SLC37A2: variants seen among roughly 807,000 people sequenced by gnomAD.
The protein encoded by SLC37A2 is glucose-6-phosphate exchanger SLC37A2.
Under a neutral mutation model 70.7 loss-of-function variants are expected in SLC37A2, and 59 were observed. The ratio of observed to expected loss-of-function variants is 0.83; its 90% CI spans 0.68 to 1.04. The LOEUF (loss-of-function observed/expected upper bound fraction) is 1.04, where lower values mean the gene tolerates loss of function less well. SLC37A2 is among the 50% of genes least tolerant of loss of function. SLC37A2 has a pLI of 0.00. For synonymous variants in SLC37A2, 257 were observed against 262.1 expected, an observed-to-expected ratio of 0.98 and a Z score of 0.19; for missense variants, 580 against 658.1, an observed-to-expected ratio of 0.88 and a Z score of 1.30.
chr11:125,085,554 TCA>T, intron 15 of SLC37A2, 21 bp from the exon 16 acceptor site: 1 of 1,613,088 alleles, frequency 6.2e-7, no homozygotes, highest in Non-Finnish European at 8.5e-7. Context: ...GGACCCCTGC[TCA>T]CGAGGCTGTG....
rs779651234 is a variant in SLC37A2 at position 125,084,339 on chromosome 11, T to C, written c.1125+20T>C. 7 of 1,613,092 alleles carry C rather than the reference T, an allele frequency of 4.3e-6. No individual in the cohort carries two copies. In the Admixed American group the frequency reaches 5.0e-5, roughly 12 times the overall value. On this transcript the variant is annotated intron_variant, in intron 12 of 17. Coordinates refer to ENST00000403796, the MANE Select transcript of SLC37A2 (RefSeq NM_001145290.2). ...CCCATGGTGCGTATAACCCCGAGGG[T>C]GAAGTGCGAATGCATGTGAGCAGGA...
At position 125,085,641 on chromosome 11, in the gene SLC37A2, C is replaced by A; in HGVS notation, c.1392C>A (p.Tyr464Ter). The A allele has an allele frequency of 6.2e-7, 1 of 1,613,682 alleles. No homozygotes were observed. The highest frequency in any genetic ancestry group is 8.5e-7 in the Non-Finnish European group (1 of 1,180,008). ...CCACGGGCTGGAACAATGTCTTCTA[C>A]ATGCTCATCTCTGCCGACGTCCTAG... is the stretch of plus-strand genomic sequence containing the variant. Reference protein sequence around the residue: ...ISPTGWNNVFYMLISADVLAC... With the variant: ...ISPTGWNNVF The change falls in exon 16 of 18, where the codon TAC (tyrosine) becomes TAA (stop). Residue 464 changes from tyrosine (Y) to a stop codon, truncating the protein, a stop_gained. Transcript: ENST00000403796. LOFTEE classifies it high-confidence loss of function.
intron 17 of SLC37A2, chr11:125,086,621 A>G (rs1949218982): frequency 6.2e-6 from 2 of 321,020 alleles, no homozygotes; most frequent in East Asian, 1.6e-4. Context: ...TATGCAGAAC[A>G]AAAGCAACTA....
intron 1 of SLC37A2, among the ~76,000 whole-genome samples, chr11:125,071,755 T>C (rs1036422824): frequency 2.7e-5 from 4 of 147,998 alleles, no homozygotes; most frequent in South Asian, 2.1e-4. Flanking sequence ...TCTTGTGTGC[T>C]AAAGACCTGG....
intron 9 of SLC37A2, 37 bp from the exon 10 acceptor site, chr11:125,082,207 G>A (rs373044336): frequency 6.9e-6 from 11 of 1,603,320 alleles, no homozygotes; most frequent in Non-Finnish European, 8.5e-6. Flanking sequence ...CAGGACCTCT[G>A]GACCCCTTCC....
At chr11:125,071,906 G>A (rs1340996406) in intron 1 of SLC37A2, among the ~76,000 whole-genome samples, 1 of 152,196 alleles carries the variant, frequency 6.6e-6, no homozygotes, top group African/African-American at 2.4e-5. Flanking sequence ...ACTGTGCCCA[G>A]CCCTCTATCC....
At position 125,063,421 on chromosome 11, in the gene SLC37A2, C is replaced by CAGCTGGTG. The variant is rs1565392302; in HGVS notation, c.58_59+6dup. Reference sequence around the variant, plus strand: ...GGTTCTTCCGGGCCTTCTCCAGGGACAGCTGGTGAGCGGGGCAGGGGAGGG... The same window carrying CAGCTGGTG: ...GGTTCTTCCGGGCCTTCTCCAGGGACAGCTGGTGAGCTGGTGAGCGGGGCAGGGGAGGG... On this transcript the variant is annotated frameshift_variant, in exon 1 of 18. Transcript: ENST00000403796. LOFTEE classifies it high-confidence loss of function. The surrounding 1 kb of genome is among the most constrained non-coding windows in gnomAD (Gnocchi z 5.4). 6.2e-7 allele frequency: 1 copy of CAGCTGGTG among 1,611,494 alleles called. No individual in the cohort carries two copies. The highest frequency in any genetic ancestry group is 8.5e-7 in the Non-Finnish European group (1 of 1,179,072).
At chr11:125,085,284 T>A in intron 14 of SLC37A2, 111 bp from the exon 15 acceptor site, 1 of 1,297,960 alleles carries the variant, frequency 7.7e-7, no homozygotes, top group Non-Finnish European at 1.1e-6. Context: ...GCCCCTCTCC[T>A]CTCAAGCCCA....
intron 8 of SLC37A2, 103 bp downstream of exon 8, chr11:125,081,561 C>A: frequency 6.9e-7 from 1 of 1,439,158 alleles, no homozygotes; most frequent in Non-Finnish European, 9.4e-7. Flanking sequence ...CTGGCCCTCA[C>A]TGACCTCACC....
At position 125,079,224 on chromosome 11, in the gene SLC37A2, C is replaced by T. The variant is rs1949122468; in HGVS notation, c.427C>T (p.Leu143Phe). Residue 143 changes from leucine to phenylalanine, a missense_variant, in exon 5 of 18, where the codon CTC (leucine) becomes TTC (phenylalanine). Transcript: ENST00000403796. ...GLGYFWNIHE[L>F]WYFVVIQVCN... ...GGGATATTTCTGGAACATCCACGAGCTCTGGTACTTTGTGGTCATCCAGGT... is the reference window on the plus strand; with the variant it reads ...GGGATATTTCTGGAACATCCACGAGTTCTGGTACTTTGTGGTCATCCAGGT... 6.2e-7 allele frequency: 1 copy of T among 1,614,158 alleles called. No individual in the cohort carries two copies. Among genetic ancestry groups the T allele is most frequent in the Non-Finnish European group, 8.5e-7 (1 of 1,180,014 alleles).
rs1264114716 is a variant in SLC37A2, at chr11:125,079,357, CT to C, written c.450+111del. The C allele has an allele frequency of 8.7e-6, 12 of 1,374,996 alleles. No individual in the cohort carries two copies. The Admixed American group carries it at 1.2e-4, about 14-fold the overall frequency. 85.2% of individuals were successfully genotyped at this position (1,374,996 alleles called of 1,614,324 possible). On this transcript the variant is annotated intron_variant, in intron 5 of 17. Transcript: ENST00000403796. ...TGTGTTCCTGGCTCCCTGTCCAGTG[CT>C]CTCTATTACACTGCACTGAGTTCTA...
intron 17 of SLC37A2, chr11:125,086,316 C>A: frequency 1.5e-6 from 2 of 1,294,816 alleles, no homozygotes; most frequent in Non-Finnish European, 2.2e-6. Flanking sequence ...GGGCTGCATG[C>A]AAATCCTCTG....
In SLC37A2 at chr11:125,077,437, C is replaced by G; in HGVS notation, c.236-13C>G. 1 of 1,611,974 alleles carries G rather than the reference C, an allele frequency of 6.2e-7. No individual in the cohort carries two copies. Among genetic ancestry groups the G allele is most frequent in the South Asian group, 1.1e-5 (1 of 90,828 alleles). ...CACGCAGTCAGCTTTCTGTTTCTCC[C>G]ATCTGCTTTCAGACAAGGACAACTA... is the stretch of plus-strand genomic sequence containing the variant. On this transcript the variant is annotated splice_polypyrimidine_tract_variant and intron_variant, in intron 3 of 17. Coordinates refer to ENST00000403796, the MANE Select transcript of SLC37A2 (RefSeq NM_001145290.2).
chr11:125,085,315 C>T, intron 14 of SLC37A2, 80 bp from the exon 15 acceptor site: 1 of 1,440,964 alleles, frequency 6.9e-7, no homozygotes, highest in Non-Finnish European at 9.6e-7. Context: ...ACCACCTTCC[C>T]TGAGTCAGCC....
chr11:125,072,603 G>A (rs1949040257), intron 1 of SLC37A2, among the ~76,000 whole-genome samples: 1 of 152,186 alleles, frequency 6.6e-6, no homozygotes. Context: ...TTCTCTTCTG[G>A]GACCTCTTGA....
intron 1 of SLC37A2, among the ~76,000 whole-genome samples, chr11:125,070,619 T>C (rs940611841): frequency 5.3e-5 from 8 of 152,020 alleles, no homozygotes; most frequent in Admixed American, 3.9e-4. Flanking sequence ...AAGAGGTGCA[T>C]GGTAAGGGCA....
intron 1 of SLC37A2, among the ~76,000 whole-genome samples, chr11:125,067,529 A>G (rs990462806): frequency 1.3e-5 from 2 of 152,220 alleles, no homozygotes. Context: ...TGACTTGACA[A>G]TTATTTCCAA....
intron 4 of SLC37A2, 63 bp downstream of exon 4, chr11:125,077,591 A>C: frequency 7.5e-7 from 1 of 1,328,560 alleles, no homozygotes; most frequent in South Asian, 1.3e-5. Context: ...ACCTCCCCTT[A>C]AGGAACCTGG....
rs1591634923 is a variant in SLC37A2 at position 125,085,150 on chromosome 11, C to A, written c.1248+11C>A. On this transcript the variant is annotated intron_variant, in intron 14 of 17. Coordinates refer to ENST00000403796, the MANE Select transcript of SLC37A2 (RefSeq NM_001145290.2). The stretch of plus-strand genomic sequence containing the variant: ...GTCTCTGCTGATCTGGTGAGTGGGG[C>A]CACCTCCCGAGGGCCAGGGACCGTT... 1.2e-6 allele frequency: 2 copies of A among 1,612,804 alleles called. No individual in the cohort carries two copies. Among genetic ancestry groups the A allele is most frequent in the South Asian group, 2.2e-5 (2 of 91,056 alleles).
Sources: allele counts gnomAD v4.1 joint callset (sites outside exome capture counted in the v4.1 genomes callset), GRCh38; gene constraint gnomAD v4.1.1; non-coding constraint Gnocchi (gnomAD v3.1); transcripts MANE v1.5; gene names NCBI Gene and HGNC (gene_info 2026-07-23, HGNC 2026-07-21).